The following RGL1 variants were observed in gnomAD, a reference collection of about 807,000 sequenced individuals.
RGL1 encodes ral guanine nucleotide dissociation stimulator-like 1.
A neutral mutation model predicts 95.2 loss-of-function variants in RGL1; 24 were observed. The ratio of observed to expected loss-of-function variants is 0.25; its 90% CI spans 0.18 to 0.35. The LOEUF is 0.35. RGL1 is among the 10% of genes least tolerant of loss of function. RGL1 has a pLI of 1.00. For missense variants in RGL1, 715 were observed against 936.3 expected, an observed-to-expected ratio of 0.76 and a Z score of 3.08; for synonymous variants, 329 against 344.9, an observed-to-expected ratio of 0.95 and a Z score of 0.51.
intron 10 of RGL1, 56 bp from the exon 11 acceptor site, chr1:183,900,094 A>G (rs1245241265): frequency 1.1e-5 from 16 of 1,446,546 alleles, no homozygotes; most frequent in Non-Finnish European, 1.6e-5. Flanking sequence ...AAGATTCCTA[A>G]AACCCCTCAA....
intron 1 of RGL1, among the ~76,000 whole-genome samples, chr1:183,698,718 A>G (rs1654400649): frequency 6.6e-6 from 1 of 152,246 alleles, no homozygotes; most frequent in African/African-American, 2.4e-5. Context: ...AGATGCTGCC[A>G]TTTTGTTACC....
intron 3 of RGL1, among the ~76,000 whole-genome samples, chr1:183,854,807 A>G (rs1196935490): frequency 6.6e-6 from 1 of 152,130 alleles, no homozygotes; most frequent in African/African-American, 2.4e-5. Flanking sequence ...TACTAGCTTC[A>G]GTTTTCCTCA....
intron 2 of RGL1, among the ~76,000 whole-genome samples, chr1:183,847,074 A>T (rs569929067): frequency 1.3e-3 from 200 of 152,278 alleles, no homozygotes; most frequent in Non-Finnish European, 2.1e-3. Flanking sequence ...GGAAACACGC[A>T]TACCTCCACC....
At position 183,814,898 on chromosome 1, in the gene RGL1, A is replaced by G. The variant is rs144996830; in HGVS notation, c.138+8413A>G. 4.2e-3 allele frequency among the ~76,000 whole-genome samples: 638 copies of G among 152,350 alleles called. 5 individuals carry two copies. The highest frequency in any genetic ancestry group is 0.013 in the African/African-American group (534 of 41,590). On this transcript the variant is annotated intron_variant, in intron 2 of 17. Transcript: ENST00000360851. ...TTATCTAAGAAAAGAACATTTAAGT[A>G]TGTAGGTAAAAATAACTGAAACTGG...
chr1:183,745,349 A>G (rs1350387593), intron 2 of RGL1, among the ~76,000 whole-genome samples: 2 of 114,546 alleles, frequency 1.7e-5, no homozygotes, highest in Non-Finnish European at 4.1e-5. Flanking sequence ...GGTAAAATTT[A>G]TGTCTTCTTT....
At chr1:183,685,203 A>G (rs1220554396) in intron 1 of RGL1, among the ~76,000 whole-genome samples, 7 of 152,218 alleles carry the variant, frequency 4.6e-5, no homozygotes, top group African/African-American at 1.7e-4. Context: ...TAACTCAAGA[A>G]CTTTAATTTT....
chr1:183,639,774 A>T (rs1270040015), intron 1 of RGL1, among the ~76,000 whole-genome samples: 1 of 151,878 alleles, frequency 6.6e-6, no homozygotes, highest in Non-Finnish European at 1.5e-5. Flanking sequence ...GAGGATTATA[A>T]CCTGAGATGC....
chr1:183,870,817 C>T (rs1666139228), intron 4 of RGL1, among the ~76,000 whole-genome samples: 1 of 152,148 alleles, frequency 6.6e-6, no homozygotes, highest in Admixed American at 6.5e-5. Context: ...TTGGAAATTT[C>T]TCTATTTGTG....
At chr1:183,788,692 CATAAA>C (rs2102372326) in intron 2 of RGL1, among the ~76,000 whole-genome samples, 1 of 152,184 alleles carries the variant, frequency 6.6e-6, no homozygotes, top group East Asian at 1.9e-4. Flanking sequence ...TATGGGATTA[CATAAA>C]ATAAAACAAA....
At chr1:183,651,190 A>T (rs1414579027) in intron 1 of RGL1, among the ~76,000 whole-genome samples, 2 of 152,204 alleles carry the variant, frequency 1.3e-5, no homozygotes, top group African/African-American at 4.8e-5. Flanking sequence ...TCATCAAAGC[A>T]TAATTAAGTA....
intron 14 of RGL1, among the ~76,000 whole-genome samples, chr1:183,909,297 G>A (rs1168337612): frequency 6.6e-6 from 1 of 152,170 alleles, no homozygotes; most frequent in Non-Finnish European, 1.5e-5. Flanking sequence ...ATTCCAAAGA[G>A]GTTGGAGAAA....
chr1:183,726,087 A>G (rs555855506), intron 1 of RGL1, among the ~76,000 whole-genome samples: 5 of 152,316 alleles, frequency 3.3e-5, no homozygotes, highest in East Asian at 1.9e-4. Context: ...AATAAAAAGG[A>G]AAGTAGAAAA....
chr1:183,870,189 G>C (rs1022336229), intron 4 of RGL1, among the ~76,000 whole-genome samples: 8 of 149,942 alleles, frequency 5.3e-5, no homozygotes, highest in African/African-American at 1.9e-4. Context: ...CGGGACAGGG[G>C]CTTTGTAGTC....
chr1:183,768,616 G>C (rs977635959), intron 2 of RGL1, among the ~76,000 whole-genome samples: 1 of 151,380 alleles, frequency 6.6e-6, no homozygotes, highest in Non-Finnish European at 1.5e-5. Context: ...CTACAGGCAT[G>C]TGCCACCACA....
Position 183,897,912 on chromosome 1 carries a change from C to T in RGL1, c.1230+15C>T, listed in dbSNP as rs569931075. ...AGAAGGACATGGTATGTCTGGCCCT[C>T]GTCTTCCCTGACAGCTCACAGAGGA... On this transcript the variant is annotated intron_variant, in intron 10 of 17. Coordinates refer to ENST00000360851, the MANE Select transcript of RGL1 (RefSeq NM_001297671.3). 4.4e-6 allele frequency: 7 copies of T among 1,608,222 alleles called. No homozygotes were observed. The highest frequency in any genetic ancestry group is 3.3e-5 in the South Asian group (3 of 90,884).
At chr1:183,859,567 AT>A in intron 3 of RGL1, among the ~76,000 whole-genome samples, 1 of 152,298 alleles carries the variant, frequency 6.6e-6, no homozygotes, top group South Asian at 2.1e-4. Flanking sequence ...GTATGGAGAT[AT>A]GTGGACAATG....
rs985574804 is a variant in RGL1 at position 183,721,846 on chromosome 1, T to G, written c.-32-20280T>G. 8.2e-4 allele frequency among the ~76,000 whole-genome samples: 125 copies of G among 152,354 alleles called. 1 individual carries two copies. Among genetic ancestry groups the G allele is most frequent in the African/African-American group, 2.8e-3 (118 of 41,582 alleles). On this transcript the variant is annotated intron_variant, in intron 1 of 18. Coordinates refer to the RGL1 transcript ENST00000304685. ...TTAGCTCCCTTGCCTACTTTTACTT[T>G]AAGACACTTATCACAATGATGATGG...
At position 183,888,551 on chromosome 1, in the gene RGL1, A is replaced by G; in HGVS notation, c.1029A>G (p.Leu343=). ...SALQSNSIYR[L]KKTWAAVPRD... The stretch of plus-strand genomic sequence containing the variant: ...TGCAGTCTAATTCCATCTATCGGTT[A>G]AAAAAGACTTGGGCTGCCGTCCCAA... The change falls in exon 8 of 18, where the codon TTA becomes TTG. Residue 343 remains leucine, a synonymous_variant. Transcript: ENST00000360851. The G allele has an allele frequency of 6.2e-7, 1 of 1,612,646 alleles. No homozygotes were observed. Among genetic ancestry groups the G allele is most frequent in the Non-Finnish European group, 8.5e-7 (1 of 1,178,792 alleles).
exon 1 of RGL1, chr1:183,636,259 TG>T (rs1649526215): frequency 2.5e-6 from 1 of 398,444 alleles, no homozygotes; most frequent in Non-Finnish European, 4.4e-6. Context: ...GCCCTGCAGT[TG>T]GTAGGAGTAT....
Sources: gnomAD v4.1 joint callset for allele counts (sites outside exome capture counted in the v4.1 genomes callset) on GRCh38, gnomAD v4.1.1 for gene constraint, MANE v1.5 for transcripts, NCBI Gene and HGNC (gene_info 2026-07-23, HGNC 2026-07-21) for gene names.